Variants in GPRASP2 observed in about 807,000 individuals in gnomAD.
GPRASP2 encodes the protein G protein-coupled receptor associated sorting protein 2.
A neutral mutation model predicts 36.0 loss-of-function variants in GPRASP2; 10 were observed. The ratio of observed to expected loss-of-function variants is 0.28; its 90% CI spans 0.17 to 0.47. GPRASP2 has a LOEUF of 0.47. Ranked by LOEUF, GPRASP2 falls within the 20% of genes least tolerant of loss-of-function variation. The pLI is 0.99. For synonymous variants in GPRASP2, 219 were observed against 230.5 expected (o/e 0.95, Z 0.45); for missense variants, 538 against 626.7 (o/e 0.86, Z 1.51).
chrX:102,714,483 A>C (rs2081929292), intron 4 of GPRASP2, 54 bp from the exon 5 acceptor site: 1 of 162,041 alleles, frequency 6.2e-6, no homozygotes, highest in Admixed American at 7.2e-5. Context: ...CGCACTGCAT[A>C]CGTCTCATAC....
At chrX:102,714,484 C>A in intron 4 of GPRASP2, 53 bp from the exon 5 acceptor site, 1 of 165,176 alleles carries the variant, frequency 6.1e-6, no homozygotes, top group Non-Finnish European at 1.1e-5. Flanking sequence ...GCACTGCATA[C>A]GTCTCATACA....
Position 102,715,740 on chromosome X carries a change from C to A in GPRASP2, c.871C>A (p.Pro291Thr). The A allele has an allele frequency of 8.3e-7, 1 of 1,211,821 alleles. No homozygotes were observed. Among genetic ancestry groups the A allele is most frequent in the Non-Finnish European group, 1.1e-6 (1 of 895,568 alleles). The change falls in exon 5 of 5, where the codon CCA becomes ACA. Residue 291 changes from proline to threonine, a missense_variant. Physicochemically the swap from Pro to Thr is conservative, Grantham distance 38. Transcript: ENST00000483720. The part of the protein sequence containing the change: ...WSGSEDEASN[P>T]FSFWVGENTN... ...TGGATCTGAGGATGAGGCCAGCAAC[C>A]CATTCTCCTTCTGGGTTGGAGAAAA...
chrX:102,712,645 C>T (rs2081888901), intron 1 of GPRASP2, 93 bp downstream of exon 1: 1 of 112,513 alleles, frequency 8.9e-6, no homozygotes, highest in East Asian at 2.8e-4. Flanking sequence ...CCCTGACAGC[C>T]TGGCAACGAG....
In GPRASP2 at chrX:102,714,962, T is replaced by G; in HGVS notation, c.93T>G (p.Asp31Glu). 1 of 1,212,533 alleles carries G rather than the reference T, an allele frequency of 8.2e-7. No individual in the cohort carries two copies. The highest frequency in any genetic ancestry group is 1.1e-6 in the Non-Finnish European group (1 of 895,696). Reference protein sequence around the residue: ...EVIAGPERENDVPLVVRPKVR... With the variant: ...EVIAGPERENEVPLVVRPKVR... ...TCGCTGGGCCTGAGAGAGAGAATGA[T>G]GTCCCTCTGGTGGTCAGACCCAAGG... Residue 31 changes from aspartate (D) to glutamate (E), a missense_variant, in exon 5 of 5, where the codon GAT becomes GAG. Asp to Glu is a conservative substitution (Grantham distance 45). Transcript: ENST00000483720.
At position 102,716,855 on chromosome X, in the gene GPRASP2, G is replaced by T; in HGVS notation, c.1986G>T (p.Met662Ile). Residue 662 changes from methionine (M) to isoleucine (I), a missense_variant, in exon 5 of 5, where the codon ATG becomes ATT. This residue lies in a region of GPRASP2 where 262 missense variants were observed against 351.7 expected (regional missense o/e 0.74). Coordinates refer to ENST00000483720, the MANE Select transcript of GPRASP2 (RefSeq NM_001004051.4). Reference protein sequence around the residue: ...SRVRTSFLENMIHMAPPYPNL... With the variant: ...SRVRTSFLENIIHMAPPYPNL... Reference sequence around the variant, plus strand: ...TTAGGACAAGTTTTTTGGAAAATATGATTCACATGGCTCCACCTTATCCAA... The same window carrying T: ...TTAGGACAAGTTTTTTGGAAAATATTATTCACATGGCTCCACCTTATCCAA... 1 of 1,211,652 alleles carries T rather than the reference G, an allele frequency of 8.3e-7. No homozygotes were observed. The highest frequency in any genetic ancestry group is 1.1e-6 in the Non-Finnish European group (1 of 895,526).
rs779316011 is a variant in GPRASP2, at chrX:102,713,186, A to AAGG, written c.-508_-506dup. On this transcript the variant is annotated 5_prime_UTR_variant, in exon 2 of 5. Transcript: ENST00000483720. ...GTCTGTAGAGGAGAGGCTTGAAATA[A>AAGG]AGGAGCACGAATATTGCCTGGATTT... is the stretch of plus-strand genomic sequence containing the variant. The AAGG allele has an allele frequency of 8.9e-6, 1 of 112,422 alleles. No homozygotes were observed. The highest frequency in any genetic ancestry group is 1.9e-5 in the Non-Finnish European group (1 of 53,210). The allele number at this position is 112,422 out of a possible 1,213,427, so 9.3% of individuals were successfully genotyped here. A position where few individuals can be genotyped will look rare whatever the true frequency, so the allele number is the denominator to read the frequency against.
chrX:102,717,224 G>A lies in GPRASP2; in HGVS notation c.2355G>A (p.Gln785=). 1 of 1,120,617 alleles carries A rather than the reference G, an allele frequency of 8.9e-7. No individual in the cohort carries two copies. The highest frequency in any genetic ancestry group is 2.6e-5 in the South Asian group (1 of 39,102). 92.4% of individuals were successfully genotyped at this position (1,120,617 alleles called of 1,213,427 possible). Residue 785 remains glutamine (Q), a synonymous_variant, in exon 5 of 5, where the codon CAG becomes CAA. Coordinates refer to ENST00000483720, the MANE Select transcript of GPRASP2 (RefSeq NM_001004051.4). The part of the protein sequence containing the change: ...DNIQIVIKMF[Q]NISNIIKSGK... ...TTCAAATTGTTATTAAAATGTTTCA[G>A]AATATCAGTAACATTATAAAAAGTG...
In GPRASP2 at chrX:102,716,927, C is replaced by G; in HGVS notation, c.2058C>G (p.Thr686=). 1.7e-6 allele frequency: 2 copies of G among 1,205,589 alleles called. No individual in the cohort carries two copies. Among genetic ancestry groups the G allele is most frequent in the East Asian group, 5.9e-5 (2 of 33,788 alleles). ...TCATATGTCAAGTGTGTGAGGAAAC[C>G]CTTGCACATAGTGTGGATTCCCTTG... ...ETFICQVCEE[T]LAHSVDSLEQ... Residue 686 remains threonine (T), a synonymous_variant, in exon 5 of 5, where the codon ACC becomes ACG. Coordinates refer to ENST00000483720, the MANE Select transcript of GPRASP2 (RefSeq NM_001004051.4).
Position 102,715,135 on chromosome X carries a change from A to G in GPRASP2, c.266A>G (p.Glu89Gly). Residue 89 changes from glutamate to glycine, a missense_variant, in exon 5 of 5, where the codon GAG becomes GGG. Physicochemically the swap from Glu to Gly is moderately conservative, Grantham distance 98. Transcript: ENST00000483720. ...QVMGGARPKT[E>G]AQGITGARPK... is the part of the protein sequence containing the mutation. ...ATGGGTGGTGCAAGACCCAAAACGG[A>G]GGCTCAAGGAATCACAGGGGCCAGG... 2.5e-6 allele frequency: 3 copies of G among 1,212,462 alleles called. No homozygotes were observed. The highest frequency in any genetic ancestry group is 3.3e-6 in the Non-Finnish European group (3 of 895,605).
In GPRASP2 at chrX:102,716,264, C is replaced by T. The variant is rs1023420635; in HGVS notation, c.1395C>T (p.Pro465=). 2 of 1,210,339 alleles carry T rather than the reference C, an allele frequency of 1.7e-6. No individual in the cohort carries two copies. The highest frequency in any genetic ancestry group is 2.2e-6 in the Non-Finnish European group (2 of 895,377). ...DRDEACFDLN[P]CPVYKVSDRF... ...ATGAGGCCTGCTTTGACCTAAATCC[C>T]TGTCCTGTGTACAAGGTCAGTGATA... is the stretch of plus-strand genomic sequence containing the variant. The change falls in exon 5 of 5, where the codon CCC becomes CCT. Residue 465 remains proline (P), a synonymous_variant. Coordinates refer to ENST00000483720, the MANE Select transcript of GPRASP2 (RefSeq NM_001004051.4).
chrX:102,714,106 A>G (rs1016619613), intron 3 of GPRASP2, 83 bp from the exon 4 acceptor site: 2 of 111,807 alleles, frequency 1.8e-5, no homozygotes, highest in Non-Finnish European at 3.8e-5. Flanking sequence ...GGGAAGACAG[A>G]TATTTGTCAC....
chrX:102,714,655 C>T lies in GPRASP2; in HGVS notation c.-215C>T. The T allele has an allele frequency of 1.8e-6, 1 of 560,528 alleles. No homozygotes were observed. The highest frequency in any genetic ancestry group is 2.7e-6 in the Non-Finnish European group (1 of 369,664). 46.2% of individuals were successfully genotyped at this position (560,528 alleles called of 1,213,427 possible). A position where few individuals can be genotyped will look rare whatever the true frequency, so the allele number is the denominator to read the frequency against. ...TTTAGCTTGGTTGTACCTGTTCTCA[C>T]TCTATCTGTATTATTGAATTATTGA... On this transcript the variant is annotated 5_prime_UTR_variant, in exon 5 of 5. Coordinates refer to ENST00000483720, the MANE Select transcript of GPRASP2 (RefSeq NM_001004051.4).
At position 102,715,429 on chromosome X, in the gene GPRASP2, A is replaced by T. The variant is rs1191399594; in HGVS notation, c.560A>T (p.Gln187Leu). Reference protein sequence around the residue: ...NVDAETFPGTQGQKGIQPWFG... With the variant: ...NVDAETFPGTLGQKGIQPWFG... ...GATGCTGAAACCTTTCCTGGCACCC[A>T]GGGTCAGAAAGGAATCCAGCCCTGG... Residue 187 changes from glutamine (Q) to leucine (L), a missense_variant, in exon 5 of 5, where the codon CAG (glutamine) becomes CTG (leucine). Gln to Leu is a moderately radical substitution (Grantham distance 113). Around this residue, in one of 2 missense-constraint regions of GPRASP2, gnomAD observed 276 missense variants for 275.0 expected, o/e 1.00. Coordinates refer to ENST00000483720, the MANE Select transcript of GPRASP2 (RefSeq NM_001004051.4). 8.2e-7 allele frequency: 1 copy of T among 1,212,324 alleles called. No homozygotes were observed.
chrX:102,715,081 G>A lies in GPRASP2; in HGVS notation c.212G>A (p.Gly71Glu). 1 of 1,212,452 alleles carries A rather than the reference G, an allele frequency of 8.2e-7. No homozygotes were observed. The highest frequency in any genetic ancestry group is 3.0e-5 in the East Asian group (1 of 33,858). ...RPKTEAQAMS[G>E]ARPKTEVQVM... ...AAAACTGAGGCCCAAGCAATGTCTG[G>A]GGCAAGGCCCAAAACTGAGGTCCAA... The change falls in exon 5 of 5, where the codon GGG becomes GAG. Residue 71 changes from glycine (G) to glutamate (E), a missense_variant. By Grantham distance (98) the Gly-to-Glu change is moderately conservative. This residue lies in a region of GPRASP2 where 276 missense variants were observed against 275.0 expected (regional missense o/e 1.00). Transcript: ENST00000483720.
At position 102,713,232 on chromosome X, in the gene GPRASP2, G is replaced by T. The variant is rs1253683245; in HGVS notation, c.-480+15G>T. The stretch of plus-strand genomic sequence containing the variant: ...GATTTCTGGAGGTGTGTGGGGATGG[G>T]GGTTGGGCGCTAAACACTGATTGGG... On this transcript the variant is annotated intron_variant, in intron 2 of 4. Transcript: ENST00000483720. The T allele has an allele frequency of 8.9e-6, 1 of 112,187 alleles. No homozygotes were observed. Among genetic ancestry groups the T allele is most frequent in the East Asian group, 2.8e-4 (1 of 3,548 alleles). 9.2% of individuals were successfully genotyped at this position (112,187 alleles called of 1,213,427 possible).
At chrX:102,712,810 C>T (rs1395662576) in intron 1 of GPRASP2, among the ~76,000 whole-genome samples, 3 of 112,967 alleles carry the variant, frequency 2.7e-5, no homozygotes, top group Non-Finnish European at 5.6e-5. Context: ...CCGCGCTGAC[C>T]GCTTCCCAGC....
Position 102,715,151 on chromosome X carries a change from A to G in GPRASP2, c.282A>G (p.Thr94=), listed in dbSNP as rs1369707069. ...ARPKTEAQGI[T]GARPKTDARA... ...CCAAAACGGAGGCTCAAGGAATCAC[A>G]GGGGCCAGGCCCAAAACCGATGCCA... is the stretch of plus-strand genomic sequence containing the variant. Residue 94 remains threonine, a synonymous_variant, in exon 5 of 5, where the codon ACA becomes ACG. Coordinates refer to ENST00000483720, the MANE Select transcript of GPRASP2 (RefSeq NM_001004051.4). The G allele has an allele frequency of 5.8e-6, 7 of 1,212,521 alleles. No individual in the cohort carries two copies. Among genetic ancestry groups the G allele is most frequent in the Non-Finnish European group, 7.8e-6 (7 of 895,646 alleles).
At position 102,715,852 on chromosome X, in the gene GPRASP2, C is replaced by T. The variant is rs777172000; in HGVS notation, c.983C>T (p.Ser328Phe). 9.1e-6 allele frequency: 11 copies of T among 1,209,984 alleles called. No individual in the cohort carries two copies. The highest frequency in any genetic ancestry group is 1.2e-5 in the Non-Finnish European group (11 of 895,291). ...ACAAATAGAGAAGATTGTTTTGAATCTGAGTCTGAAGATGAGTTCTATAAG... is the reference window on the plus strand; with the variant it reads ...ACAAATAGAGAAGATTGTTTTGAATTTGAGTCTGAAGATGAGTTCTATAAG... ...LRTNREDCFESESEDEFYKQS... is the reference protein window; with the variant it reads ...LRTNREDCFEFESEDEFYKQS... Residue 328 changes from serine (S) to phenylalanine (F), a missense_variant, in exon 5 of 5, where the codon TCT becomes TTT. Transcript: ENST00000483720.
chrX:102,717,233 T>C lies in GPRASP2; in HGVS notation c.2364T>C (p.Ser788=), dbSNP rs753825499. ...QIVIKMFQNI[S]NIIKSGKMSL... ...TTATTAAAATGTTTCAGAATATCAG[T>C]AACATTATAAAAAGTGGAAAGATGT... Residue 788 remains serine, a synonymous_variant, in exon 5 of 5, where the codon AGT becomes AGC. Transcript: ENST00000483720. 1.4e-5 allele frequency: 16 copies of C among 1,113,605 alleles called. No homozygotes were observed. Among genetic ancestry groups the C allele is most frequent in the Non-Finnish European group, 1.8e-5 (15 of 847,140 alleles). The allele number at this position is 1,113,605 out of a possible 1,213,427, so 91.8% of individuals were successfully genotyped here.
Sources: allele counts gnomAD v4.1 joint callset (sites outside exome capture counted in the v4.1 genomes callset), GRCh38; gene constraint gnomAD v4.1.1; regional missense constraint gnomAD v4.1.1; transcripts MANE v1.5; gene names NCBI Gene and HGNC (gene_info 2026-07-23, HGNC 2026-07-21).